ACVR1C: variants seen among roughly 807,000 people sequenced by gnomAD.
The protein encoded by ACVR1C is activin receptor type-1C.
A neutral mutation model predicts 57.9 loss-of-function variants in ACVR1C; 23 were observed. The observed-to-expected ratio is 0.40, with a 90% CI of 0.29 to 0.56. The LOEUF (loss-of-function observed/expected upper bound fraction) is 0.56. Ranked by LOEUF, ACVR1C falls within the 20% of genes least tolerant of loss-of-function variation. The pLI is 0.50. For missense variants in ACVR1C, 480 were observed against 607.9 expected (o/e 0.79, Z 2.21); for synonymous variants, 214 against 215.3 (o/e 0.99, Z 0.05).
At chr2:157,576,947 C>A (rs1471833148) in intron 2 of ACVR1C, among the ~76,000 whole-genome samples, 1 of 65,542 alleles carries the variant, frequency 1.5e-5, no homozygotes. Context: ...CTCCGCTTCC[C>A]GGGTTCACGC....
chr2:157,552,709 T>C lies in ACVR1C; in HGVS notation c.545-2317A>G, dbSNP rs553244181. On this transcript the variant is annotated intron_variant, in intron 3 of 8. Coordinates refer to ENST00000243349, the MANE Select transcript of ACVR1C (RefSeq NM_145259.3). ...TCAGTGGTGCAGATCAGGAACAAAGTAAGACAACAATATATAAAGTACTCG... is the reference window on the plus strand; with the variant it reads ...TCAGTGGTGCAGATCAGGAACAAAGCAAGACAACAATATATAAAGTACTCG... 8.4e-4 allele frequency among the ~76,000 whole-genome samples: 128 copies of C among 152,282 alleles called. 7 individuals are homozygous for C. In the South Asian group the frequency reaches 0.026, roughly 30 times the overall value.
chr2:157,614,124 T>G (rs1682591934), intron 1 of ACVR1C, among the ~76,000 whole-genome samples: 1 of 152,216 alleles, frequency 6.6e-6, no homozygotes, highest in Non-Finnish European at 1.5e-5. Flanking sequence ...TTGCTCATTT[T>G]ACCTAAATTT....
chr2:157,588,654 ATAGCT>A (rs975695832), intron 1 of ACVR1C, among the ~76,000 whole-genome samples: 6 of 136,984 alleles, frequency 4.4e-5, no homozygotes, highest in Non-Finnish European at 7.6e-5. Flanking sequence ...TTGCATACTC[ATAGCT>A]TAGCTCCCTT....
At chr2:157,536,044 G>C (rs1045300996) in intron 8 of ACVR1C, among the ~76,000 whole-genome samples, 1 of 152,110 alleles carries the variant, frequency 6.6e-6, no homozygotes, top group African/African-American at 2.4e-5. Context: ...TAGAAAACTC[G>C]ATGGATGAGT....
chr2:157,591,178 T>C (rs1253176028), intron 1 of ACVR1C, among the ~76,000 whole-genome samples: 3 of 151,866 alleles, frequency 2.0e-5, no homozygotes, highest in Non-Finnish European at 4.4e-5. Context: ...AATAAAGAAA[T>C]GCATCTCTTT....
Position 157,528,653 on chromosome 2 carries a change from T to C in ACVR1C, c.*5265A>G, listed in dbSNP as rs1007196474. Reference sequence around the variant, plus strand: ...ATGGTATGGAACAGCAGAAATAAATTTAACAATCACATTATGGGGCATATA... The same window carrying C: ...ATGGTATGGAACAGCAGAAATAAATCTAACAATCACATTATGGGGCATATA... On this transcript the variant is annotated 3_prime_UTR_variant, in exon 9 of 9. Transcript: ENST00000243349. The C allele has an allele frequency of 3.9e-5, 6 of 152,148 alleles. 1 individual carries two copies. Among genetic ancestry groups the C allele is most frequent in the African/African-American group, 7.2e-5 (3 of 41,466 alleles). 9.4% of individuals were successfully genotyped at this position (152,148 alleles called of 1,614,324 possible).
At chr2:157,581,313 C>G (rs187379445) in intron 2 of ACVR1C, among the ~76,000 whole-genome samples, 1 of 151,702 alleles carries the variant, frequency 6.6e-6, no homozygotes, top group East Asian at 1.9e-4. Flanking sequence ...ATATTGAAAT[C>G]ATCAAAGATT....
chr2:157,610,219 T>C (rs1682500902), intron 1 of ACVR1C, among the ~76,000 whole-genome samples: 1 of 152,112 alleles, frequency 6.6e-6, no homozygotes, highest in Non-Finnish European at 1.5e-5. Flanking sequence ...AGGACTCCCT[T>C]GAGCATTTCT....
chr2:157,566,904 C>A (rs1688402276), intron 2 of ACVR1C, among the ~76,000 whole-genome samples: 1 of 150,538 alleles, frequency 6.6e-6, no homozygotes, highest in African/African-American at 2.4e-5. Flanking sequence ...GGCTCCACCT[C>A]TGGGGGCAGG....
chr2:157,547,415 C>G (rs1573909209), intron 4 of ACVR1C, among the ~76,000 whole-genome samples: 4 of 45,860 alleles, frequency 8.7e-5, no homozygotes, highest in Non-Finnish European at 1.6e-4. Context: ...AATGGTTGAA[C>G]TAGTTTACAG....
intron 3 of ACVR1C, among the ~76,000 whole-genome samples, chr2:157,554,264 A>T (rs7557208): frequency 3.9e-5 from 5 of 127,410 alleles, no homozygotes. Context: ...AGAAAGAAAG[A>T]AAGAAAGGAA....
At chr2:157,617,442 A>T (rs1194913933) in intron 1 of ACVR1C, among the ~76,000 whole-genome samples, 2 of 152,058 alleles carry the variant, frequency 1.3e-5, no homozygotes, top group African/African-American at 2.4e-5. Context: ...AACAGCCAAA[A>T]CTAATCTATG....
chr2:157,574,116 C>A (rs1688589332), intron 2 of ACVR1C, among the ~76,000 whole-genome samples: 1 of 152,206 alleles, frequency 6.6e-6, no homozygotes, highest in Non-Finnish European at 1.5e-5. Context: ...CAAGACCAGA[C>A]AGGAATCTGG....
intron 3 of ACVR1C, among the ~76,000 whole-genome samples, chr2:157,554,264 A>AAAGAAAGAAAGAAAGAAAGAAAGG (rs1688018034): frequency 7.8e-6 from 1 of 127,410 alleles, no homozygotes; most frequent in East Asian, 2.1e-4. Flanking sequence ...AGAAAGAAAG[A>AAAGAAAGAAAGAAAGAAAGAAAGG]AAGAAAGGAA....
chr2:157,541,406 C>T (rs948322606), intron 6 of ACVR1C, among the ~76,000 whole-genome samples, 192 bp from the exon 7 acceptor site: 11 of 152,170 alleles, frequency 7.2e-5, no homozygotes, highest in African/African-American at 2.7e-4. Flanking sequence ...TACTTTCTCT[C>T]AGTGAACAAT....
chr2:157,623,859 C>CAT (rs1052674885), intron 1 of ACVR1C, among the ~76,000 whole-genome samples: 20 of 151,734 alleles, frequency 1.3e-4, no homozygotes, highest in East Asian at 5.8e-4. Context: ...GTACCCCATA[C>CAT]ATATATATAT....
At chr2:157,543,693 A>G (rs1173271310) in intron 5 of ACVR1C, among the ~76,000 whole-genome samples, 1 of 152,256 alleles carries the variant, frequency 6.6e-6, no homozygotes, top group East Asian at 1.9e-4. Context: ...TTGACTCTCT[A>G]GAGCCAACCT....
rs1558969719 is a variant in ACVR1C at position 157,542,738 on chromosome 2, G to A, written c.1068C>T (p.Asp356=). ...TTCCCACTTTAGGATTCTGAGGTAT[G>A]TCGATAGTGTTCAGTATTGAATCAT... ...VKHDSILNTI[D]IPQNPKVGTK... The change falls in exon 6 of 9, where the codon GAC becomes GAT. Residue 356 remains aspartate (D), a synonymous_variant. Coordinates refer to ENST00000243349, the MANE Select transcript of ACVR1C (RefSeq NM_145259.3). The A allele has an allele frequency of 6.2e-7, 1 of 1,613,674 alleles. No individual in the cohort carries two copies.
intron 1 of ACVR1C, among the ~76,000 whole-genome samples, chr2:157,614,433 G>A (rs1682598794): frequency 6.6e-6 from 1 of 151,960 alleles, no homozygotes; most frequent in Non-Finnish European, 1.5e-5. Flanking sequence ...GGTCTATCTT[G>A]GCTAATATTC....
Sources: gnomAD v4.1 joint callset for allele counts (sites outside exome capture counted in the v4.1 genomes callset) on GRCh38, gnomAD v4.1.1 for gene constraint, MANE v1.5 for transcripts, NCBI Gene and HGNC (gene_info 2026-07-23, HGNC 2026-07-21) for gene names.